The following CSMD2 variants were observed in gnomAD, a reference collection of about 807,000 sequenced individuals.
The protein encoded by CSMD2 is CUB and Sushi multiple domains 2.
In CSMD2, 130 loss-of-function variants were observed where a neutral mutation model predicts 398.5. The observed-to-expected ratio is 0.33, with a 90% CI of 0.28 to 0.38. The LOEUF (loss-of-function observed/expected upper bound fraction) is 0.38. Among genes scored for constraint, CSMD2 ranks in the 10% least tolerant of loss-of-function variants. The pLI is 1.00. For synonymous variants in CSMD2, 1,828 were observed against 1,908.5 expected, an observed-to-expected ratio of 0.96 and a Z score of 1.10; for missense variants, 3,829 against 4,764.9, an observed-to-expected ratio of 0.80 and a Z score of 5.78.
At chr1:33,626,069 T>G (rs773388473) in intron 33 of CSMD2, among the ~76,000 whole-genome samples, 14 of 151,782 alleles carry the variant, frequency 9.2e-5, no homozygotes, top group Non-Finnish European at 1.9e-4. Context: ...GGTGGGGAGG[T>G]GGGATTCAAA....
In CSMD2 at chr1:33,724,648, G is replaced by T; in HGVS notation, c.2752C>A (p.Arg918Ser). 1 of 1,614,162 alleles carries T rather than the reference G, an allele frequency of 6.2e-7. No individual in the cohort carries two copies. Among genetic ancestry groups the T allele is most frequent in the South Asian group, 1.1e-5 (1 of 91,078 alleles). Residue 918 changes from arginine (R) to serine (S), a missense_variant, in exon 18 of 71, where the codon CGT (arginine) becomes AGT (serine). By Grantham distance (110) the Arg-to-Ser change is moderately radical. Coordinates refer to ENST00000373381, the MANE Select transcript of CSMD2 (RefSeq NM_001281956.2). ...LDPGIPVNGQRHGNDFYVGAL... is the reference protein window; with the variant it reads ...LDPGIPVNGQSHGNDFYVGAL... ...CCCACGTAGAAGTCATTCCCATGAC[G>T]CTGTCCATTTACTGGGATTCCTGGA...
intron 3 of CSMD2, among the ~76,000 whole-genome samples, chr1:34,004,741 C>T (rs977300125): frequency 5.9e-5 from 9 of 152,004 alleles, no homozygotes; most frequent in East Asian, 3.9e-4. Flanking sequence ...CTTTTTAGAA[C>T]GAGATGGCCT....
At chr1:34,022,807 G>A (rs939826175) in intron 3 of CSMD2, among the ~76,000 whole-genome samples, 3 of 152,126 alleles carry the variant, frequency 2.0e-5, no homozygotes, top group Non-Finnish European at 2.9e-5. Context: ...CAATTAAATG[G>A]TTGGGGATTT....
intron 13 of CSMD2, among the ~76,000 whole-genome samples, chr1:33,748,485 G>A (rs900003559): frequency 1.3e-5 from 2 of 152,160 alleles, no homozygotes; most frequent in Non-Finnish European, 2.9e-5. Context: ...ACAGGTAGAT[G>A]TGTAATTACT....
chr1:34,097,191 G>T (rs1187962214), intron 1 of CSMD2, among the ~76,000 whole-genome samples: 13 of 150,382 alleles, frequency 8.6e-5, no homozygotes, highest in African/African-American at 3.2e-4. Context: ...AATGGTGCTG[G>T]GAAAACTGGC....
At chr1:33,588,094 G>A (rs566134534) in intron 44 of CSMD2, among the ~76,000 whole-genome samples, 82 of 152,272 alleles carry the variant, frequency 5.4e-4, no homozygotes, top group Non-Finnish European at 5.3e-4. Flanking sequence ...ATTACAGTAC[G>A]TTCCTGGAGT....
intron 10 of CSMD2, among the ~76,000 whole-genome samples, chr1:33,808,978 G>A (rs1398400080): frequency 3.4e-5 from 5 of 148,908 alleles, no homozygotes; most frequent in Admixed American, 6.7e-5. Context: ...ATGGAGTCAA[G>A]AAAAAAAAAA....
intron 6 of CSMD2, among the ~76,000 whole-genome samples, chr1:33,829,188 C>A (rs1659178662): frequency 6.6e-6 from 1 of 152,138 alleles, no homozygotes; most frequent in Non-Finnish European, 1.5e-5. Context: ...ATACCAACAA[C>A]ACAAACTCTA....
At chr1:33,978,768 G>A (rs1393813740) in intron 3 of CSMD2, among the ~76,000 whole-genome samples, 5 of 152,240 alleles carry the variant, frequency 3.3e-5, no homozygotes, top group African/African-American at 7.2e-5. Context: ...TCCTGACCCC[G>A]CTGCATCTTC....
chr1:33,629,904 A>G (rs1642365376), intron 32 of CSMD2, among the ~76,000 whole-genome samples: 1 of 151,872 alleles, frequency 6.6e-6, no homozygotes, highest in Non-Finnish European at 1.5e-5. Context: ...GACCATGCCC[A>G]GTGAATTTTT....
At chr1:33,521,432 C>T in intron 68 of CSMD2, 31 bp downstream of exon 68, 1 of 1,015,714 alleles carries the variant, frequency 9.8e-7, no homozygotes, top group Non-Finnish European at 1.6e-6. Context: ...CCCACCCGGG[C>T]CCACACTTCC....
intron 29 of CSMD2, among the ~76,000 whole-genome samples, chr1:33,640,774 C>T (rs1557662281): frequency 6.6e-6 from 1 of 152,128 alleles, no homozygotes; most frequent in Non-Finnish European, 1.5e-5. Context: ...ATTTTTCCAA[C>T]AAACATGCAT....
chr1:33,907,634 T>C (rs1202879282), intron 5 of CSMD2, among the ~76,000 whole-genome samples: 1 of 152,198 alleles, frequency 6.6e-6, no homozygotes, highest in Non-Finnish European at 1.5e-5. Flanking sequence ...AAAGAAACTC[T>C]GCCTTCTCCC....
rs527376415 is a variant in CSMD2 at position 33,537,409 on chromosome 1, C to T, written c.9805+27G>A. On this transcript the variant is annotated intron_variant, in intron 61 of 70. Coordinates refer to ENST00000373381, the MANE Select transcript of CSMD2 (RefSeq NM_001281956.2). This position sits in a 1 kb window ranked among gnomAD's most constrained non-coding sequence, Gnocchi z 4.6. ...AGGTCTCCCGCAACCCCAGCCAAGA[C>T]GCTCCCTGCTCCAGATGACCTCTCA... 2.9e-5 allele frequency: 46 copies of T among 1,588,728 alleles called. No homozygotes were observed. The highest frequency in any genetic ancestry group is 1.2e-4 in the Admixed American group (7 of 57,006).
chr1:33,854,026 CA>C (rs1042075792), intron 5 of CSMD2, among the ~76,000 whole-genome samples: 55 of 152,254 alleles, frequency 3.6e-4, no homozygotes, highest in African/African-American at 1.3e-3. Flanking sequence ...TGAATGTTCC[CA>C]ACAATTAAGA....
At chr1:34,091,479 C>T (rs897877240) in intron 1 of CSMD2, among the ~76,000 whole-genome samples, 1 of 152,114 alleles carries the variant, frequency 6.6e-6, no homozygotes, top group African/African-American at 2.4e-5. Flanking sequence ...AGGTGGGATT[C>T]AAACATAAGT....
chr1:33,931,822 A>C (rs546926150), intron 4 of CSMD2, among the ~76,000 whole-genome samples: 1 of 152,328 alleles, frequency 6.6e-6, no homozygotes, highest in Admixed American at 6.5e-5. Context: ...TGAGCCACTC[A>C]GTTTTGTCAG....
At chr1:33,675,274 G>T (rs888659029) in intron 25 of CSMD2, among the ~76,000 whole-genome samples, 11 of 152,120 alleles carry the variant, frequency 7.2e-5, no homozygotes, top group Admixed American at 5.2e-4. Flanking sequence ...TGATAAAGGG[G>T]ATATCACCAC....
At chr1:33,761,265 C>T (rs1304508081) in intron 13 of CSMD2, among the ~76,000 whole-genome samples, 1 of 152,066 alleles carries the variant, frequency 6.6e-6, no homozygotes, top group Non-Finnish European at 1.5e-5. Context: ...TTTCCATGTC[C>T]CAAGCAAAGG....
Sources: allele counts gnomAD v4.1 joint callset (sites outside exome capture counted in the v4.1 genomes callset), GRCh38; gene constraint gnomAD v4.1.1; non-coding constraint Gnocchi (gnomAD v3.1); transcripts MANE v1.5; gene names NCBI Gene and HGNC (gene_info 2026-07-23, HGNC 2026-07-21).